The following WDR7 variants were observed in gnomAD, a reference collection of about 807,000 sequenced individuals.
WDR7 encodes WD repeat domain 7, also known as WD repeat-containing protein 7.
Under a neutral mutation model 169.4 loss-of-function variants are expected in WDR7, and 46 were observed. That is an observed-to-expected ratio of 0.27 (90% CI 0.21 to 0.35). The LOEUF (loss-of-function observed/expected upper bound fraction) is 0.35. WDR7 is among the 10% of genes least tolerant of loss of function. The probability of loss-of-function intolerance (pLI) is 1.00; values close to 1 mark genes in which losing one functional copy is unlikely to be tolerated. For synonymous variants in WDR7, 612 were observed against 666.8 expected (o/e 0.92, Z 1.27); for missense variants, 1,534 against 1,859.3 (o/e 0.83, Z 3.22).
At chr18:56,659,018 C>T (rs1299558671) in intron 1 of WDR7, among the ~76,000 whole-genome samples, 1 of 152,124 alleles carries the variant, frequency 6.6e-6, no homozygotes, top group Non-Finnish European at 1.5e-5. Context: ...GCCCGGCCCC[C>T]TGTACTTACT....
intron 14 of WDR7, among the ~76,000 whole-genome samples, chr18:56,750,829 C>T (rs2043779431): frequency 6.6e-6 from 1 of 152,140 alleles, no homozygotes; most frequent in Non-Finnish European, 1.5e-5. Flanking sequence ...TTAATGCTGC[C>T]ATCTCCATGC....
chr18:56,678,258 C>G (rs1253956376), intron 2 of WDR7, among the ~76,000 whole-genome samples: 1 of 152,160 alleles, frequency 6.6e-6, no homozygotes, highest in Non-Finnish European at 1.5e-5. Flanking sequence ...ATTTGTTTCT[C>G]CCGGATTGGT....
At chr18:56,973,494 G>T (rs73444873) in intron 26 of WDR7, among the ~76,000 whole-genome samples, 51 of 150,374 alleles carry the variant, frequency 3.4e-4, no homozygotes, top group African/African-American at 1.2e-3. Flanking sequence ...TATTGTGTGT[G>T]GGGGGGGTGT....
intron 21 of WDR7, among the ~76,000 whole-genome samples, chr18:56,881,525 A>G (rs2046107988): frequency 6.6e-6 from 1 of 152,116 alleles, no homozygotes; most frequent in African/African-American, 2.4e-5. Context: ...GCTTTTGACC[A>G]TTATGCAAAC....
chr18:56,843,816 C>T (rs2045523398), intron 20 of WDR7, among the ~76,000 whole-genome samples: 1 of 151,214 alleles, frequency 6.6e-6, no homozygotes. Flanking sequence ...GTCTCAGTTT[C>T]TCCACATCCT....
At chr18:56,727,425 T>C (rs2144786570) in intron 13 of WDR7, among the ~76,000 whole-genome samples, 1 of 152,240 alleles carries the variant, frequency 6.6e-6, no homozygotes, top group East Asian at 1.9e-4. Context: ...GGCTAATTTA[T>C]AAAGAAAAGA....
In WDR7 at chr18:56,731,405, G is replaced by A; in HGVS notation, c.1797G>A (p.Met599Ile). 6.2e-7 allele frequency: 1 copy of A among 1,613,978 alleles called. No individual in the cohort carries two copies. The highest frequency in any genetic ancestry group is 8.5e-7 in the Non-Finnish European group (1 of 1,179,906). ...MDTGALDRCV[M>I]GITAVEILNA... ...CAGGTGCATTGGATCGTTGTGTGAT[G>A]GGGATAACAGCAGTTGAGATTCTAA... Residue 599 changes from methionine to isoleucine, a missense_variant, in exon 14 of 28, where the codon ATG becomes ATA. Coordinates refer to ENST00000254442, the MANE Select transcript of WDR7 (RefSeq NM_015285.3).
intron 26 of WDR7, among the ~76,000 whole-genome samples, chr18:57,018,266 A>G (rs1250233395): frequency 6.6e-6 from 1 of 152,236 alleles, no homozygotes; most frequent in African/African-American, 2.4e-5. Flanking sequence ...GCTTTCAAGA[A>G]GGGCCAGTTT....
At chr18:56,724,222 T>TG (rs2026387522) in intron 13 of WDR7, among the ~76,000 whole-genome samples, 1 of 148,712 alleles carries the variant, frequency 6.7e-6, no homozygotes, top group Non-Finnish European at 1.5e-5. Context: ...TTTTTTTTTT[T>TG]TTTTTTGAGA....
chr18:56,660,128 G>A (rs2024872679), intron 1 of WDR7, among the ~76,000 whole-genome samples: 1 of 152,166 alleles, frequency 6.6e-6, no homozygotes, highest in Non-Finnish European at 1.5e-5. Flanking sequence ...TAGGATTTTG[G>A]TCTGTGTAGC....
intron 20 of WDR7, among the ~76,000 whole-genome samples, chr18:56,837,906 G>A (rs1053908678): frequency 1.3e-5 from 2 of 152,052 alleles, no homozygotes; most frequent in Non-Finnish European, 2.9e-5. Flanking sequence ...GTGAGCCACC[G>A]TGCCCAGCCG....
intron 9 of WDR7, among the ~76,000 whole-genome samples, chr18:56,693,401 A>G (rs1383618208): frequency 6.6e-6 from 1 of 152,098 alleles, no homozygotes; most frequent in Non-Finnish European, 1.5e-5. Context: ...ATCCTAATGA[A>G]TGGTTTTTGT....
At chr18:56,728,572 T>C (rs2026512474) in intron 13 of WDR7, among the ~76,000 whole-genome samples, 1 of 152,226 alleles carries the variant, frequency 6.6e-6, no homozygotes, top group African/African-American at 2.4e-5. Context: ...TTTTGGGATC[T>C]AGCACCCTGT....
intron 25 of WDR7, among the ~76,000 whole-genome samples, chr18:56,945,969 T>C (rs2047097460): frequency 6.6e-6 from 1 of 152,230 alleles, no homozygotes; most frequent in South Asian, 2.1e-4. Context: ...CTTCATCCCA[T>C]GCATTCCAGA....
At chr18:56,913,852 T>C (rs937178381) in intron 21 of WDR7, among the ~76,000 whole-genome samples, 1 of 152,116 alleles carries the variant, frequency 6.6e-6, no homozygotes, top group Non-Finnish European at 1.5e-5. Flanking sequence ...ACTCCTGTTA[T>C]AGTCCAACCC....
At chr18:56,698,927 G>C (rs1034816899) in intron 12 of WDR7, among the ~76,000 whole-genome samples, 3 of 152,062 alleles carry the variant, frequency 2.0e-5, no homozygotes, top group Non-Finnish European at 4.4e-5. Context: ...AATGGGTACT[G>C]GGCTTAATAC....
intron 19 of WDR7, among the ~76,000 whole-genome samples, chr18:56,784,690 A>AT (rs1376427750): frequency 6.6e-6 from 1 of 152,216 alleles, no homozygotes; most frequent in Non-Finnish European, 1.5e-5. Context: ...AGTCACAAAA[A>AT]TTGTAAGAAA....
intron 26 of WDR7, among the ~76,000 whole-genome samples, chr18:57,006,036 C>T (rs768315622): frequency 1.3e-5 from 2 of 152,196 alleles, no homozygotes; most frequent in South Asian, 4.1e-4. Flanking sequence ...CATATACTTA[C>T]TCCTAAAGGA....
intron 25 of WDR7, among the ~76,000 whole-genome samples, chr18:56,948,270 A>G (rs987768357): frequency 6.6e-6 from 1 of 152,154 alleles, no homozygotes; most frequent in Non-Finnish European, 1.5e-5. Context: ...CAACTAGCCA[A>G]AGACCATATG....
Sources: gnomAD v4.1 joint callset for allele counts (sites outside exome capture counted in the v4.1 genomes callset) on GRCh38, gnomAD v4.1.1 for gene constraint, MANE v1.5 for transcripts, NCBI Gene and HGNC (gene_info 2026-07-23, HGNC 2026-07-21) for gene names.